The following COPG2 variants were observed in gnomAD, a reference collection of about 807,000 sequenced individuals.
COPG2 encodes coat protein complex I subunit gamma 2.
Under a neutral mutation model 46.3 loss-of-function variants are expected in COPG2, and 37 were observed. The observed-to-expected ratio is 0.80, with a 90% CI of 0.61 to 1.05. COPG2 has a LOEUF of 1.05. COPG2 is among the 50% of genes least tolerant of loss of function. The pLI is 0.00. For synonymous variants in COPG2, 159 were observed against 129.7 expected, an observed-to-expected ratio of 1.23 and a Z score of -1.53; for missense variants, 427 against 387.8, an observed-to-expected ratio of 1.10 and a Z score of -0.85.
At chr7:130,629,192 G>C (rs1264247965) in intron 5 of COPG2, among the ~76,000 whole-genome samples, 2 of 151,818 alleles carry the variant, frequency 1.3e-5, no homozygotes, top group Non-Finnish European at 2.9e-5. Context: ...TTTGGGGGGG[G>C]TACCTTTAAA....
At chr7:130,610,621 C>A (rs782740071) in intron 9 of COPG2, 10 of 537,182 alleles carry the variant, frequency 1.9e-5, no homozygotes, top group Non-Finnish European at 3.3e-5. Flanking sequence ...TCAACATTCT[C>A]TTTTATAAAA....
intron 9 of COPG2, among the ~76,000 whole-genome samples, chr7:130,606,286 A>AAG (rs1222708993): frequency 6.6e-6 from 1 of 151,592 alleles, no homozygotes; most frequent in African/African-American, 2.4e-5. Flanking sequence ...AAGAAAAAGA[A>AAG]AGAGAGAGAG....
chr7:130,652,097 TTAAA>T (rs1313829067), intron 5 of COPG2, among the ~76,000 whole-genome samples: 9 of 152,246 alleles, frequency 5.9e-5, no homozygotes, highest in African/African-American at 2.2e-4. Flanking sequence ...ATATGGTTAA[TTAAA>T]TAATTTTATC....
chr7:130,661,877 T>C (rs1390148565), intron 4 of COPG2, among the ~76,000 whole-genome samples: 1 of 152,174 alleles, frequency 6.6e-6, no homozygotes, highest in Non-Finnish European at 1.5e-5. Flanking sequence ...ATAACTGCCT[T>C]CATAGAAAGC....
intron 5 of COPG2, among the ~76,000 whole-genome samples, chr7:130,624,310 T>C (rs1795083062): frequency 6.6e-6 from 1 of 152,224 alleles, no homozygotes; most frequent in Non-Finnish European, 1.5e-5. Context: ...GTACATTTAT[T>C]GTCAAATGTA....
At chr7:130,560,874 T>C (rs1019536991) in intron 12 of COPG2, among the ~76,000 whole-genome samples, 159 bp downstream of exon 12, 5 of 152,048 alleles carry the variant, frequency 3.3e-5, no homozygotes, top group African/African-American at 1.2e-4. Flanking sequence ...AACAAGTAGA[T>C]AAAGGTTTCT....
Position 130,549,381 on chromosome 7 carries a change from A to G in COPG2, c.1775-5T>C, listed in dbSNP as rs1793498771. Reference sequence around the variant, plus strand: ...TAGTAGCCACAAGTGTGATTTCTATAAAGACAGATATGAGCAAGTAAGTGA... The same window carrying G: ...TAGTAGCCACAAGTGTGATTTCTATGAAGACAGATATGAGCAAGTAAGTGA... On this transcript the variant is annotated splice_region_variant and splice_polypyrimidine_tract_variant and intron_variant, in intron 17 of 23. Transcript: ENST00000425248. 1 of 398,448 alleles carries G rather than the reference A, an allele frequency of 2.5e-6. No individual in the cohort carries two copies. Among genetic ancestry groups the G allele is most frequent in the East Asian group, 3.6e-5 (1 of 28,070 alleles). 24.7% of individuals were successfully genotyped at this position (398,448 alleles called of 1,614,324 possible). A position where few individuals can be genotyped will look rare whatever the true frequency, so the allele number is the denominator to read the frequency against.
chr7:130,608,394 C>A (rs1794778433), intron 9 of COPG2: 1 of 211,754 alleles, frequency 4.7e-6, no homozygotes, highest in Non-Finnish European at 9.6e-6. Flanking sequence ...TTTACCCTTT[C>A]TCTTGTCCTT....
intron 5 of COPG2, among the ~76,000 whole-genome samples, chr7:130,640,156 AC>A (rs1335854085): frequency 2.9e-4 from 32 of 111,888 alleles, no homozygotes; most frequent in African/African-American, 8.3e-4. Flanking sequence ...GTCACCACCA[AC>A]CTTTTTTTTT....
chr7:130,625,357 CTTT>C (rs1360231452), intron 5 of COPG2, among the ~76,000 whole-genome samples: 2 of 152,120 alleles, frequency 1.3e-5, no homozygotes, highest in Admixed American at 1.3e-4. Flanking sequence ...AGCTTTACTT[CTTT>C]GTTAACTCAT....
chr7:130,528,487 C>T (rs1442077222), intron 20 of COPG2, among the ~76,000 whole-genome samples: 2 of 151,900 alleles, frequency 1.3e-5, no homozygotes, highest in Non-Finnish European at 2.9e-5. Context: ...GGCGGAGCAG[C>T]GGGTGCGGGG....
At chr7:130,606,500 G>A (rs1196779575) in intron 9 of COPG2, among the ~76,000 whole-genome samples, 2 of 152,132 alleles carry the variant, frequency 1.3e-5, no homozygotes, top group Non-Finnish European at 2.9e-5. Flanking sequence ...CTTGAGTAAG[G>A]TAGATCCTTG....
intron 4 of COPG2, 88 bp from the exon 5 acceptor site, chr7:130,653,036 T>C (rs1167164979): frequency 2.5e-6 from 2 of 786,840 alleles, no homozygotes; most frequent in Non-Finnish European, 4.1e-6. Flanking sequence ...AGTAGATATA[T>C]ATTTTAGAAA....
At chr7:130,631,172 CTTTTTTTTTTTT>C (rs55966949) in intron 5 of COPG2, among the ~76,000 whole-genome samples, 4 of 102,338 alleles carry the variant, frequency 3.9e-5, no homozygotes, top group African/African-American at 3.6e-5. Flanking sequence ...TTTTTCTTTT[CTTTTTTTTTTTT>C]TTTTTGAGAT....
At chr7:130,557,843 G>T (rs1185791431) in intron 12 of COPG2, among the ~76,000 whole-genome samples, 1 of 18,372 alleles carries the variant, frequency 5.4e-5, no homozygotes. Context: ...AAAAAATCAT[G>T]CAAGAATAGC....
intron 5 of COPG2, among the ~76,000 whole-genome samples, chr7:130,635,243 G>A (rs1300824209): frequency 6.6e-6 from 1 of 152,014 alleles, no homozygotes; most frequent in Non-Finnish European, 1.5e-5. Flanking sequence ...TTAGGGAGGA[G>A]TCCCTCTTTT....
intron 1 of COPG2, 144 bp downstream of exon 1, chr7:130,668,483 CGAGGG>C (rs1796146143): frequency 7.4e-6 from 4 of 537,142 alleles, no homozygotes; most frequent in South Asian, 6.3e-5. Context: ...CGGGCAGCCG[CGAGGG>C]GAGGGGAGGG....
At chr7:130,552,516 T>A in intron 14 of COPG2, 86 bp from the exon 15 acceptor site, 1 of 396,758 alleles carries the variant, frequency 2.5e-6, no homozygotes, top group Non-Finnish European at 4.4e-6. Context: ...TAGAAAAGTG[T>A]CCCCATGTTC....
chr7:130,552,204 AAG>A (rs1793542151), intron 15 of COPG2, among the ~76,000 whole-genome samples, 149 bp downstream of exon 15: 1 of 152,212 alleles, frequency 6.6e-6, no homozygotes, highest in East Asian at 1.9e-4. Context: ...AATTACTAAA[AAG>A]AGAAAGGAAT....
Sources: allele counts gnomAD v4.1 joint callset (sites outside exome capture counted in the v4.1 genomes callset), GRCh38; gene constraint gnomAD v4.1.1; transcripts MANE v1.5; gene names NCBI Gene and HGNC (gene_info 2026-07-23, HGNC 2026-07-21).